The following ROCK2 variants were observed in gnomAD, a reference collection of about 807,000 sequenced individuals.
ROCK2 encodes Rho associated coiled-coil containing protein kinase 2.
A neutral mutation model predicts 195.1 loss-of-function variants in ROCK2; 61 were observed. The ratio of observed to expected loss-of-function variants is 0.31; its 90% CI spans 0.25 to 0.39. The LOEUF is 0.39. Among genes scored for constraint, ROCK2 ranks in the 10% least tolerant of loss-of-function variants. The pLI is 1.00. For synonymous variants in ROCK2, 504 were observed against 545.5 expected (o/e 0.92, Z 1.06); for missense variants, 1,109 against 1,637.4 (o/e 0.68, Z 5.57).
At chr2:11,194,713 C>T (rs1470736837) in intron 28 of ROCK2, among the ~76,000 whole-genome samples, 1 of 152,012 alleles carries the variant, frequency 6.6e-6, no homozygotes, top group Non-Finnish European at 1.5e-5. Context: ...CCCAACAAAA[C>T]AGCAAAAGTA....
At chr2:11,236,752 A>G (rs1393633637) in intron 4 of ROCK2, among the ~76,000 whole-genome samples, 1 of 152,256 alleles carries the variant, frequency 6.6e-6, no homozygotes, top group Non-Finnish European at 1.5e-5. Context: ...CTAAGAATCA[A>G]TATTTGAGAA....
At chr2:11,282,171 C>T (rs1040786676) in intron 3 of ROCK2, among the ~76,000 whole-genome samples, 1 of 151,834 alleles carries the variant, frequency 6.6e-6, no homozygotes, top group African/African-American at 2.4e-5. Context: ...GGCAGCATAG[C>T]AAAACCCCAT....
chr2:11,207,189 A>G (rs944603821), intron 20 of ROCK2, among the ~76,000 whole-genome samples: 1 of 152,172 alleles, frequency 6.6e-6, no homozygotes, highest in Non-Finnish European at 1.5e-5. Context: ...ACTTCACCTC[A>G]AGTGATTCTC....
intron 32 of ROCK2, among the ~76,000 whole-genome samples, chr2:11,187,689 G>GT (rs1355064167): frequency 1.3e-5 from 2 of 152,116 alleles, no homozygotes; most frequent in Admixed American, 6.5e-5. Flanking sequence ...AATACATGGT[G>GT]TTTTTTAAAT....
At chr2:11,315,601 C>A (rs780210114) in intron 1 of ROCK2, among the ~76,000 whole-genome samples, 1 of 151,976 alleles carries the variant, frequency 6.6e-6, no homozygotes, top group Non-Finnish European at 1.5e-5. Context: ...AAAAACATAT[C>A]CATAATTTTT....
chr2:11,253,380 T>C (rs771453719), intron 3 of ROCK2, among the ~76,000 whole-genome samples: 1 of 152,208 alleles, frequency 6.6e-6, no homozygotes, highest in African/African-American at 2.4e-5. Context: ...AAACCCATCA[T>C]AGTACCTAAT....
chr2:11,274,544 T>C (rs1169250817), intron 3 of ROCK2, among the ~76,000 whole-genome samples: 1 of 152,124 alleles, frequency 6.6e-6, no homozygotes, highest in African/African-American at 2.4e-5. Flanking sequence ...AAACACAAAA[T>C]CTACCAAGAC....
In ROCK2 at chr2:11,180,822, A is replaced by G. The variant is rs192925838; in HGVS notation, c.*2615T>C. The G allele has an allele frequency of 6.6e-6, 1 of 152,362 alleles. No homozygotes were observed. The highest frequency in any genetic ancestry group is 1.9e-4 in the East Asian group (1 of 5,190). 9.4% of individuals were successfully genotyped at this position (152,362 alleles called of 1,614,324 possible). ...GGGAAGAAAACACATTGATAGGTGC[A>G]TGCACTCATGTATGTACATGAAAGC... On this transcript the variant is annotated 3_prime_UTR_variant, in exon 33 of 33. Transcript: ENST00000315872.
chr2:11,198,157 CAG>C (rs1171955812), intron 25 of ROCK2, among the ~76,000 whole-genome samples: 3 of 152,082 alleles, frequency 2.0e-5, no homozygotes, highest in African/African-American at 7.2e-5. Context: ...TAGGAGTTGG[CAG>C]AGAGTGAACT....
intron 3 of ROCK2, among the ~76,000 whole-genome samples, chr2:11,268,839 T>C (rs1666520461): frequency 6.6e-6 from 1 of 152,190 alleles, no homozygotes; most frequent in Non-Finnish European, 1.5e-5. Context: ...TTCGGGAGTT[T>C]ACACCCATTC....
chr2:11,274,081 A>G (rs1162079844), intron 3 of ROCK2, among the ~76,000 whole-genome samples: 18 of 152,142 alleles, frequency 1.2e-4, no homozygotes, highest in Admixed American at 1.2e-3. Flanking sequence ...ACAACACAAC[A>G]AAAAACTTAA....
At chr2:11,301,620 T>C (rs1372800008) in intron 1 of ROCK2, among the ~76,000 whole-genome samples, 2 of 151,336 alleles carry the variant, frequency 1.3e-5, no homozygotes, top group Admixed American at 6.6e-5. Context: ...CTACTAAAAA[T>C]ACAAAAAATT....
intron 3 of ROCK2, among the ~76,000 whole-genome samples, chr2:11,283,587 C>CAAGAAAGAAAGAAAAA (rs55637351): frequency 7.9e-6 from 1 of 126,504 alleles, no homozygotes; most frequent in Non-Finnish European, 1.6e-5. Context: ...AAAAAAAAAG[C>CAAGAAAGAAAGAAAAA]AAGAAAGAAA....
intron 1 of ROCK2, among the ~76,000 whole-genome samples, chr2:11,296,863 C>A (rs532522953): frequency 1.1e-4 from 17 of 151,668 alleles, no homozygotes; most frequent in Non-Finnish European, 2.4e-4. Context: ...AGGTTAGGTA[C>A]TAGTCACTGT....
At chr2:11,318,762 T>C (rs867197669) in intron 1 of ROCK2, among the ~76,000 whole-genome samples, 9 of 152,208 alleles carry the variant, frequency 5.9e-5, no homozygotes, top group African/African-American at 9.7e-5. Context: ...CTTTAATCCA[T>C]CTTGAATTAA....
intron 1 of ROCK2, among the ~76,000 whole-genome samples, chr2:11,324,425 A>AAAAAAC (rs112694564): frequency 4.6e-5 from 7 of 150,640 alleles, no homozygotes; most frequent in Non-Finnish European, 8.9e-5. Flanking sequence ...CTCCGTCTCA[A>AAAAAAC]AAAACAAAAC....
chr2:11,293,797 C>T (rs570027171), intron 1 of ROCK2, among the ~76,000 whole-genome samples: 2 of 152,226 alleles, frequency 1.3e-5, no homozygotes, highest in South Asian at 4.1e-4. Context: ...TAACCTCAGC[C>T]GTGGTCCTAA....
rs773623779 is a variant in ROCK2, at chr2:11,237,642, T to C, written c.463-1680A>G. ...AACATACTGAATATAAAAGGCAACA[T>C]AGCTATATCTTCAAAGTTTTGAGGG... On this transcript the variant is annotated intron_variant, in intron 4 of 32. Coordinates refer to ENST00000315872, the MANE Select transcript of ROCK2 (RefSeq NM_004850.5). 1.6e-4 allele frequency among the ~76,000 whole-genome samples: 24 copies of C among 152,194 alleles called. 1 individual carries two copies. Among genetic ancestry groups the C allele is most frequent in the Admixed American group, 3.3e-4 (5 of 15,280 alleles).
Position 11,194,362 on chromosome 2 carries a change from AAAG to A in ROCK2, c.3520-21_3520-19del. 8.9e-7 allele frequency: 1 copy of A among 1,127,936 alleles called. No homozygotes were observed. 69.9% of individuals were successfully genotyped at this position (1,127,936 alleles called of 1,614,324 possible). A position where few individuals can be genotyped will look rare whatever the true frequency, so the allele number is the denominator to read the frequency against. ...ATCACATACTGTTAAAACAGGGAGA[AAAG>A]AAATCAGTAATTCAAGTTTTTATAT... On this transcript the variant is annotated intron_variant, in intron 28 of 32. Transcript: ENST00000315872.
Sources: allele counts gnomAD v4.1 joint callset (sites outside exome capture counted in the v4.1 genomes callset), GRCh38; gene constraint gnomAD v4.1.1; transcripts MANE v1.5; gene names NCBI Gene and HGNC (gene_info 2026-07-23, HGNC 2026-07-21).